Variants in MYRIP observed in about 807,000 individuals in gnomAD.
MYRIP encodes the protein rab effector MyRIP.
Under a neutral mutation model 98.0 loss-of-function variants are expected in MYRIP, and 49 were observed. The ratio of observed to expected loss-of-function variants is 0.50; its 90% confidence interval spans 0.40 to 0.63. The LOEUF (loss-of-function observed/expected upper bound fraction) is 0.63, where lower values mean the gene tolerates loss of function less well. Ranked by LOEUF, MYRIP falls within the 30% of genes least tolerant of loss-of-function variation. The probability of loss-of-function intolerance (pLI) is 0.00; values close to 1 mark genes in which losing one functional copy is unlikely to be tolerated. For missense variants in MYRIP, 1,004 were observed against 1,058.2 expected (o/e 0.95, Z 0.71); for synonymous variants, 404 against 409.5 (o/e 0.99, Z 0.16).
chr3:40,042,803 G>A (rs1947571181), intron 2 of MYRIP, among the ~76,000 whole-genome samples: 1 of 152,142 alleles, frequency 6.6e-6, no homozygotes, highest in Non-Finnish European at 1.5e-5. Flanking sequence ...ATCATAAGTT[G>A]AAACTGTCAT....
At chr3:39,826,924 G>A (rs911745866) in intron 1 of MYRIP, among the ~76,000 whole-genome samples, 2 of 151,984 alleles carry the variant, frequency 1.3e-5, no homozygotes, top group African/African-American at 4.8e-5. Context: ...TTTGGTTAAA[G>A]TCTGTTTTAC....
chr3:39,917,589 ACTCT>A (rs2125686985), intron 2 of MYRIP, among the ~76,000 whole-genome samples: 1 of 151,746 alleles, frequency 6.6e-6, no homozygotes, highest in East Asian at 1.9e-4. Context: ...TTATGAATTA[ACTCT>A]CTCATTGTTC....
intron 1 of MYRIP, among the ~76,000 whole-genome samples, chr3:39,861,396 G>A (rs1942465550): frequency 6.6e-6 from 1 of 152,188 alleles, no homozygotes; most frequent in South Asian, 2.1e-4. Context: ...AGATGTGAAA[G>A]AACCAGCAAA....
chr3:40,189,741 C>A (rs1013787084), intron 9 of MYRIP, 85 bp from the exon 10 acceptor site: 7 of 1,408,166 alleles, frequency 5.0e-6, no homozygotes, highest in African/African-American at 1.4e-5. Flanking sequence ...ACAAGCCACT[C>A]TTGGGGAGGT....
In MYRIP at chr3:40,108,171, T is replaced by TTG. The variant is rs1167862550; in HGVS notation, c.333-42874_333-42873dup. On this transcript the variant is annotated intron_variant, in intron 3 of 16. Transcript: ENST00000302541. ...GCACTTAGTTATGAGTTAGCAGTGT[T>TTG]TGTGAGAGAGAGAGAGAGAGAGAGA... is the stretch of plus-strand genomic sequence containing the variant. Among the ~76,000 whole-genome samples, 9 of 75,716 alleles carry TTG rather than the reference T, an allele frequency of 1.2e-4. No homozygotes were observed. The South Asian group carries it at 3.3e-3, about 28-fold the overall frequency. The allele number at this position is 75,716 out of a possible 152,430, so 49.7% of individuals were successfully genotyped here. A position where few individuals can be genotyped will look rare whatever the true frequency, so the allele number is the denominator to read the frequency against.
At position 40,100,339 on chromosome 3, in the gene MYRIP, T is replaced by A. The variant is rs558035941; in HGVS notation, c.333-50709T>A. ...TGTACTATAATCCTTTATTATACAT[T>A]GCCTGATTGTTTTCATTGATGTTTT... On this transcript the variant is annotated intron_variant, in intron 3 of 16. Coordinates refer to ENST00000302541, the MANE Select transcript of MYRIP (RefSeq NM_015460.4). The A allele has an allele frequency of 3.7e-5, 33 of 893,078 alleles. No individual in the cohort carries two copies. In the East Asian group the frequency reaches 3.8e-3, roughly 104 times the overall value. 55.3% of individuals were successfully genotyped at this position (893,078 alleles called of 1,614,324 possible). A position where few individuals can be genotyped will look rare whatever the true frequency, so the allele number is the denominator to read the frequency against.
chr3:39,904,824 T>C (rs905869557), intron 2 of MYRIP, among the ~76,000 whole-genome samples: 6 of 152,162 alleles, frequency 3.9e-5, no homozygotes, highest in Admixed American at 2.6e-4. Flanking sequence ...GTCAGTAAGA[T>C]GAGACACTTT....
intron 1 of MYRIP, among the ~76,000 whole-genome samples, chr3:39,884,278 T>C (rs1943231682): frequency 6.6e-6 from 1 of 152,082 alleles, no homozygotes; most frequent in African/African-American, 2.4e-5. Context: ...GGCATGGACT[T>C]GTCCCTCCCT....
chr3:39,836,847 G>A (rs1031885270), intron 1 of MYRIP, among the ~76,000 whole-genome samples: 3 of 152,188 alleles, frequency 2.0e-5, no homozygotes, highest in African/African-American at 7.2e-5. Flanking sequence ...TAAAGCTCAG[G>A]TACCGGTGCT....
At chr3:40,036,161 T>G (rs1947378029) in intron 2 of MYRIP, among the ~76,000 whole-genome samples, 1 of 151,686 alleles carries the variant, frequency 6.6e-6, no homozygotes. Context: ...TGCAAACAAA[T>G]CCACACTTAG....
chr3:39,918,236 C>T (rs1478689131), intron 2 of MYRIP, among the ~76,000 whole-genome samples: 1 of 152,200 alleles, frequency 6.6e-6, no homozygotes, highest in Admixed American at 6.5e-5. Context: ...CTTTAAAAAT[C>T]TATATTCCCA....
intron 11 of MYRIP, among the ~76,000 whole-genome samples, chr3:40,228,400 AG>A (rs1952551072): frequency 6.6e-6 from 1 of 152,248 alleles, no homozygotes; most frequent in Admixed American, 6.5e-5. Flanking sequence ...TAATTTTAAA[AG>A]AAATTAAAAT....
chr3:39,910,183 C>T (rs7647192), intron 2 of MYRIP, among the ~76,000 whole-genome samples: 67,398 of 152,028 alleles, frequency 0.44, 15,209 homozygotes, highest in East Asian at 0.54. Flanking sequence ...GCCACCATGC[C>T]CGGCCGCATA....
intron 1 of MYRIP, among the ~76,000 whole-genome samples, chr3:39,834,160 C>T (rs1385097556): frequency 6.6e-6 from 1 of 152,192 alleles, no homozygotes; most frequent in African/African-American, 2.4e-5. Flanking sequence ...ATTGCTGGGC[C>T]ACTTTATTTA....
At chr3:39,963,499 A>G (rs1444065073) in intron 2 of MYRIP, among the ~76,000 whole-genome samples, 2 of 152,156 alleles carry the variant, frequency 1.3e-5, no homozygotes, top group Non-Finnish European at 2.9e-5. Context: ...GCAAGATGCT[A>G]TTGATGCAGA....
At chr3:39,976,283 C>T (rs1336151799) in intron 2 of MYRIP, among the ~76,000 whole-genome samples, 2 of 152,146 alleles carry the variant, frequency 1.3e-5, no homozygotes, top group Non-Finnish European at 2.9e-5. Context: ...AGCCAAAAGA[C>T]ACATGAGAAA....
chr3:40,137,878 G>A (rs1949814636), intron 3 of MYRIP, among the ~76,000 whole-genome samples: 1 of 152,190 alleles, frequency 6.6e-6, no homozygotes, highest in Non-Finnish European at 1.5e-5. Context: ...TGGGAAGATG[G>A]CCACACCCCA....
chr3:39,942,853 C>T (rs1186944842), intron 2 of MYRIP, among the ~76,000 whole-genome samples: 1 of 152,150 alleles, frequency 6.6e-6, no homozygotes, highest in Non-Finnish European at 1.5e-5. Flanking sequence ...AATCTATTCT[C>T]TATCTTTATG....
intron 16 of MYRIP, among the ~76,000 whole-genome samples, chr3:40,252,669 A>G (rs1304633799): frequency 2.0e-5 from 3 of 152,340 alleles, no homozygotes; most frequent in Admixed American, 2.0e-4. Flanking sequence ...CAGCTGAAAG[A>G]GCACACTCAC....
Sources: allele counts gnomAD v4.1 joint callset (sites outside exome capture counted in the v4.1 genomes callset), GRCh38; gene constraint gnomAD v4.1.1; transcripts MANE v1.5; gene names NCBI Gene and HGNC (gene_info 2026-07-23, HGNC 2026-07-21).